RBFOX1: variants seen among roughly 807,000 people sequenced by gnomAD.
RBFOX1 encodes RNA binding protein fox-1 homolog 1.
RBFOX1 carries 8 observed loss-of-function variants against 57.7 expected under a neutral mutation model. The ratio of observed to expected loss-of-function variants is 0.14; its 90% confidence interval spans 0.08 to 0.25. RBFOX1 has a LOEUF of 0.25. Ranked by LOEUF, RBFOX1 falls within the 10% of genes least tolerant of loss-of-function variation. RBFOX1 has a pLI of 1.00. For missense variants in RBFOX1, 611 were observed against 548.5 expected, an observed-to-expected ratio of 1.11 and a Z score of -1.14; for synonymous variants, 326 against 222.4, an observed-to-expected ratio of 1.47 and a Z score of -4.15.
In RBFOX1 at chr16:7,213,251, A is replaced by G. The variant is rs565695118; in HGVS notation, c.27+161153A>G. On this transcript the variant is annotated intron_variant, in intron 4 of 15. Transcript: ENST00000550418. Reference sequence around the variant, plus strand: ...ATGAGGCATCAGTTTTTCCCCCTTTATCAGTGGTTCCCCATTCTGGCTGCA... The same window carrying G: ...ATGAGGCATCAGTTTTTCCCCCTTTGTCAGTGGTTCCCCATTCTGGCTGCA... Among the ~76,000 whole-genome samples the G allele has an allele frequency of 1.9e-3, 292 of 152,294 alleles. 1 individual carries two copies. Among genetic ancestry groups the G allele is most frequent in the African/African-American group, 6.8e-3 (282 of 41,556 alleles).
At chr16:5,707,377 G>A (rs545718988) in intron 3 of RBFOX1, among the ~76,000 whole-genome samples, 1 of 152,314 alleles carries the variant, frequency 6.6e-6, no homozygotes, top group African/African-American at 2.4e-5. Context: ...AAAAGGGTGT[G>A]CATTTTCTCA....
chr16:6,398,599 C>G (rs751282017), intron 2 of RBFOX1, among the ~76,000 whole-genome samples: 1 of 152,184 alleles, frequency 6.6e-6, no homozygotes, highest in South Asian at 2.1e-4. Context: ...TTAGGGCAGT[C>G]TTTAAACATT....
intron 3 of RBFOX1, among the ~76,000 whole-genome samples, chr16:5,820,368 C>T (rs2055801012): frequency 6.6e-6 from 1 of 152,128 alleles, no homozygotes; most frequent in African/African-American, 2.4e-5. Flanking sequence ...AGGGGGGAGG[C>T]AGGAACAGAT....
At chr16:6,981,241 A>G (rs1020910005) in intron 3 of RBFOX1, among the ~76,000 whole-genome samples, 7 of 151,790 alleles carry the variant, frequency 4.6e-5, no homozygotes, top group Non-Finnish European at 8.8e-5. Flanking sequence ...GTACTCATTC[A>G]TTGTTTTTTG....
chr16:6,805,479 C>G (rs922122495), intron 3 of RBFOX1, among the ~76,000 whole-genome samples: 6 of 151,944 alleles, frequency 3.9e-5, no homozygotes, highest in African/African-American at 1.2e-4. Flanking sequence ...CTGTACCATC[C>G]CCATAACATG....
chr16:7,403,136 G>A (rs1025224951), intron 4 of RBFOX1, among the ~76,000 whole-genome samples: 5 of 152,016 alleles, frequency 3.3e-5, no homozygotes, highest in Admixed American at 2.0e-4. Context: ...GTACATTTAA[G>A]GTATACCATT....
At chr16:7,709,641 G>C (rs1189571203) in intron 15 of RBFOX1, 6 of 1,530,340 alleles carry the variant, frequency 3.9e-6, no homozygotes, top group Non-Finnish European at 4.4e-6. Context: ...AAAGAAAATA[G>C]AGAGGGGCAC....
chr16:6,196,923 G>T (rs955607447), intron 1 of RBFOX1, among the ~76,000 whole-genome samples: 1 of 151,988 alleles, frequency 6.6e-6, no homozygotes. Flanking sequence ...AGTAGCTGAA[G>T]TTGTGTAACA....
chr16:6,370,362 GAAA>G (rs71145221), intron 2 of RBFOX1, among the ~76,000 whole-genome samples: 14,887 of 81,924 alleles, frequency 0.18, 174 homozygotes, highest in East Asian at 0.25. Flanking sequence ...CGTCTCAAAA[GAAA>G]AAAAAAAAAA....
intron 1 of RBFOX1, among the ~76,000 whole-genome samples, chr16:6,147,594 C>T (rs1402615120): frequency 6.6e-6 from 1 of 151,736 alleles, no homozygotes; most frequent in Non-Finnish European, 1.5e-5. Context: ...GGGATGGGGG[C>T]AAGAAAGATG....
chr16:6,710,092 G>C (rs930411409), intron 3 of RBFOX1, among the ~76,000 whole-genome samples: 1 of 152,114 alleles, frequency 6.6e-6, no homozygotes, highest in Non-Finnish European at 1.5e-5. Context: ...TGGGGTATTG[G>C]GGAGGGAACC....
At chr16:5,479,806 A>T (rs4786690) in intron 2 of RBFOX1, among the ~76,000 whole-genome samples, 54,651 of 150,868 alleles carry the variant, frequency 0.36, 10,874 homozygotes, top group South Asian at 0.54. Flanking sequence ...ACCTGTATTC[A>T]TGGTGGTCAG....
At chr16:6,195,438 C>T (rs1262494407) in intron 1 of RBFOX1, among the ~76,000 whole-genome samples, 2 of 152,158 alleles carry the variant, frequency 1.3e-5, no homozygotes, top group Non-Finnish European at 1.5e-5. Context: ...GTAGAATGGG[C>T]CGGGCGCAGT....
At chr16:6,838,181 C>A (rs1403985113) in intron 3 of RBFOX1, among the ~76,000 whole-genome samples, 1 of 152,016 alleles carries the variant, frequency 6.6e-6, no homozygotes, top group South Asian at 2.1e-4. Context: ...CTCCCCTTGC[C>A]CCCTAGCCCC....
intron 1 of RBFOX1, among the ~76,000 whole-genome samples, chr16:6,035,412 C>T (rs2095353035): frequency 1.3e-5 from 2 of 152,228 alleles, no homozygotes; most frequent in South Asian, 2.1e-4. Context: ...ATTACTCAAA[C>T]CATTTCATCC....
chr16:5,955,068 G>A (rs1299043246), intron 4 of RBFOX1, among the ~76,000 whole-genome samples: 1 of 131,546 alleles, frequency 7.6e-6, no homozygotes, highest in African/African-American at 2.9e-5. Flanking sequence ...ATCACTTGAG[G>A]TCAGGAGTTC....
intron 3 of RBFOX1, among the ~76,000 whole-genome samples, chr16:7,012,539 C>T (rs1236977744): frequency 3.3e-5 from 5 of 152,174 alleles, no homozygotes; most frequent in Admixed American, 3.3e-4. Context: ...GACATTGGAA[C>T]ACCTTATTTC....
intron 1 of RBFOX1, among the ~76,000 whole-genome samples, chr16:6,289,728 T>C (rs565626099): frequency 6.6e-6 from 1 of 152,128 alleles, no homozygotes; most frequent in Non-Finnish European, 1.5e-5. Flanking sequence ...GGTTGCATCC[T>C]GGGGGGAAAA....
At chr16:5,863,015 T>C (rs945115060) in intron 3 of RBFOX1, among the ~76,000 whole-genome samples, 1 of 152,146 alleles carries the variant, frequency 6.6e-6, no homozygotes, top group Non-Finnish European at 1.5e-5. Flanking sequence ...GTCTCCATCA[T>C]GTGGCAGAAT....
Sources: allele counts gnomAD v4.1 joint callset (sites outside exome capture counted in the v4.1 genomes callset), GRCh38; gene constraint gnomAD v4.1.1; transcripts MANE v1.5; gene names NCBI Gene and HGNC (gene_info 2026-07-23, HGNC 2026-07-21).